The following LRFN5 variants were observed in gnomAD, a reference collection of about 807,000 sequenced individuals.
LRFN5 encodes leucine rich repeat and fibronectin type III domain containing 5.
LRFN5 carries 24 observed loss-of-function variants against 45.6 expected under a neutral mutation model. The observed-to-expected ratio is 0.53, with a 90% CI of 0.38 to 0.74. LRFN5 has a LOEUF of 0.74. Among genes scored for constraint, LRFN5 ranks in the 30% least tolerant of loss-of-function variants. The probability of loss-of-function intolerance (pLI) is 0.00; values close to 1 mark genes in which losing one functional copy is unlikely to be tolerated. For synonymous variants in LRFN5, 340 were observed against 313.8 expected, an observed-to-expected ratio of 1.08 and a Z score of -0.88; for missense variants, 776 against 861.5, an observed-to-expected ratio of 0.90 and a Z score of 1.24.
At position 41,904,477 on chromosome 14, in the gene LRFN5, C is replaced by G; in HGVS notation, c.*302C>G. On this transcript the variant is annotated 3_prime_UTR_variant, in exon 6 of 6. Transcript: ENST00000298119. Reference sequence around the variant, plus strand: ...TATCAATCCATCTTACATTGCCATCCATGATTTAACAGACTGTAGAATCTT... The same window carrying G: ...TATCAATCCATCTTACATTGCCATCGATGATTTAACAGACTGTAGAATCTT... 1 of 306,160 alleles carries G rather than the reference C, an allele frequency of 3.3e-6. No individual in the cohort carries two copies. The highest frequency in any genetic ancestry group is 5.5e-5 in the East Asian group (1 of 18,222). The allele number at this position is 306,160 out of a possible 1,614,324, so 19.0% of individuals were successfully genotyped here. A position where few individuals can be genotyped will look rare whatever the true frequency, so the allele number is the denominator to read the frequency against.
At chr14:41,871,348 G>A (rs1473114158) in intron 2 of LRFN5, among the ~76,000 whole-genome samples, 1 of 152,162 alleles carries the variant, frequency 6.6e-6, no homozygotes, top group Admixed American at 6.6e-5. Flanking sequence ...AGCAACTTGG[G>A]AGGCCAAGGC....
At chr14:41,644,854 A>T (rs927405757) in intron 1 of LRFN5, among the ~76,000 whole-genome samples, 1 of 152,244 alleles carries the variant, frequency 6.6e-6, no homozygotes, top group African/African-American at 2.4e-5. Context: ...TGCAAAGAAC[A>T]CAAGATCAGA....
intron 1 of LRFN5, among the ~76,000 whole-genome samples, chr14:41,674,082 C>T (rs1209707908): frequency 2.0e-5 from 3 of 149,856 alleles, no homozygotes; most frequent in African/African-American, 7.4e-5. Flanking sequence ...GGGCTGACCC[C>T]CCCACCTCCC....
chr14:41,794,782 T>A (rs904641204), intron 2 of LRFN5, among the ~76,000 whole-genome samples: 1 of 152,048 alleles, frequency 6.6e-6, no homozygotes, highest in African/African-American at 2.4e-5. Context: ...TTTTCTAGAA[T>A]CAGGTAAGCA....
At chr14:41,720,547 T>G (rs1305396101) in intron 1 of LRFN5, among the ~76,000 whole-genome samples, 1 of 152,144 alleles carries the variant, frequency 6.6e-6, no homozygotes, top group African/African-American at 2.4e-5. Flanking sequence ...TTAACACTGC[T>G]TTCACTGTAT....
At chr14:41,729,891 T>G (rs1335071401) in intron 1 of LRFN5, among the ~76,000 whole-genome samples, 1 of 151,876 alleles carries the variant, frequency 6.6e-6, no homozygotes, top group Non-Finnish European at 1.5e-5. Context: ...AGGGGAAAAT[T>G]TAAGAAAGCA....
At chr14:41,681,827 T>TATTTATTTATTTATTTATTTATTTA (rs58384478) in intron 1 of LRFN5, among the ~76,000 whole-genome samples, 13 of 141,744 alleles carry the variant, frequency 9.2e-5, no homozygotes, top group East Asian at 8.7e-4. Flanking sequence ...TTTATTTATT[T>TATTTATTTATTTATTTATTTATTTA]TTTTTTTTTG....
At chr14:41,802,884 T>C (rs1375220627) in intron 2 of LRFN5, among the ~76,000 whole-genome samples, 4 of 152,094 alleles carry the variant, frequency 2.6e-5, no homozygotes, top group African/African-American at 7.2e-5. Flanking sequence ...AAAACAGAAA[T>C]GAAAGGGAAT....
chr14:41,864,337 T>G (rs990349514), intron 2 of LRFN5, among the ~76,000 whole-genome samples: 5 of 152,186 alleles, frequency 3.3e-5, no homozygotes, highest in African/African-American at 1.2e-4. Flanking sequence ...GCATCTGTTG[T>G]TTCCTGACTT....
intron 2 of LRFN5, among the ~76,000 whole-genome samples, chr14:41,826,855 T>G (rs1160069680): frequency 6.6e-6 from 1 of 151,404 alleles, no homozygotes; most frequent in Non-Finnish European, 1.5e-5. Flanking sequence ...TTTTAATAAG[T>G]AATTATTTTG....
At chr14:41,622,972 G>C (rs1260466523) in intron 1 of LRFN5, among the ~76,000 whole-genome samples, 1 of 152,062 alleles carries the variant, frequency 6.6e-6, no homozygotes, top group Non-Finnish European at 1.5e-5. Context: ...TTTTAACTGA[G>C]TTATGATATA....
intron 2 of LRFN5, among the ~76,000 whole-genome samples, chr14:41,842,859 T>C (rs902066610): frequency 2.0e-5 from 3 of 152,082 alleles, no homozygotes; most frequent in Non-Finnish European, 4.4e-5. Context: ...GATTTCAACA[T>C]TACCTAATGG....
intron 2 of LRFN5, among the ~76,000 whole-genome samples, chr14:41,859,431 G>T (rs1023779197): frequency 5.3e-5 from 8 of 152,140 alleles, no homozygotes; most frequent in Non-Finnish European, 1.0e-4. Context: ...ACCTCACGAG[G>T]AAAGACCATT....
At chr14:41,901,107 T>G (rs1455968221) in intron 5 of LRFN5, among the ~76,000 whole-genome samples, 1 of 151,976 alleles carries the variant, frequency 6.6e-6, no homozygotes, top group African/African-American at 2.4e-5. Flanking sequence ...CCTTGAAATA[T>G]TTTAATATCT....
intron 2 of LRFN5, among the ~76,000 whole-genome samples, chr14:41,863,579 A>T (rs1309605571): frequency 1.3e-5 from 2 of 152,220 alleles, no homozygotes; most frequent in Admixed American, 1.3e-4. Flanking sequence ...CATATTTTAT[A>T]GACGTTTTCC....
chr14:41,845,043 C>G (rs1889011858), intron 2 of LRFN5, among the ~76,000 whole-genome samples: 1 of 152,016 alleles, frequency 6.6e-6, no homozygotes, highest in African/African-American at 2.4e-5. Flanking sequence ...AATTCTACCT[C>G]TAGATTATCC....
chr14:41,732,676 TGTA>T (rs1353443562), intron 1 of LRFN5, among the ~76,000 whole-genome samples: 1 of 151,830 alleles, frequency 6.6e-6, no homozygotes, highest in Non-Finnish European at 1.5e-5. Flanking sequence ...TAGATTCAAA[TGTA>T]TAGTTTTCAG....
intron 1 of LRFN5, among the ~76,000 whole-genome samples, chr14:41,629,348 G>A (rs1888457731): frequency 6.6e-6 from 1 of 152,074 alleles, no homozygotes; most frequent in Non-Finnish European, 1.5e-5. Flanking sequence ...CTTATTTGTG[G>A]GTTACATGTC....
chr14:41,843,671 C>T (rs2415690), intron 2 of LRFN5, among the ~76,000 whole-genome samples: 7 of 151,946 alleles, frequency 4.6e-5, no homozygotes, highest in African/African-American at 4.8e-5. Flanking sequence ...ACCAAAAAGG[C>T]CTTCTTTTTA....
Sources: gnomAD v4.1 joint callset for allele counts (sites outside exome capture counted in the v4.1 genomes callset) on GRCh38, gnomAD v4.1.1 for gene constraint, MANE v1.5 for transcripts, NCBI Gene and HGNC (gene_info 2026-07-23, HGNC 2026-07-21) for gene names.